The following LANCL1 variants were observed in gnomAD, a reference collection of about 807,000 sequenced individuals.
LANCL1 encodes the protein glutathione S-transferase LANCL1.
LANCL1 carries 50 observed loss-of-function variants against 50.6 expected under a neutral mutation model. That is an observed-to-expected ratio of 0.99 (90% CI 0.79 to 1.25). The LOEUF (loss-of-function observed/expected upper bound fraction) is 1.25. Ranked by LOEUF, LANCL1 falls within the 50% of genes most tolerant of loss-of-function variation. The pLI, the probability that LANCL1 is intolerant of heterozygous loss-of-function variation, is 0.00. For synonymous variants in LANCL1, 188 were observed against 178.6 expected (o/e 1.05, Z -0.42); for missense variants, 532 against 480.7 (o/e 1.11, Z -1.00).
chr2:210,463,143 C>T (rs1693920617), intron 3 of LANCL1, among the ~76,000 whole-genome samples: 1 of 152,100 alleles, frequency 6.6e-6, no homozygotes, highest in African/African-American at 2.4e-5. Context: ...AGTACTCAGC[C>T]TTGCTTTGCC....
chr2:210,468,043 T>A (rs1426623859), intron 3 of LANCL1: 1 of 152,184 alleles, frequency 6.6e-6, no homozygotes, highest in Non-Finnish European at 1.5e-5. Flanking sequence ...ACAAAAATAG[T>A]AATGTTTTAC....
intron 3 of LANCL1, among the ~76,000 whole-genome samples, chr2:210,455,810 G>GTTTTT (rs60277321): frequency 1.6e-5 from 2 of 125,976 alleles, no homozygotes; most frequent in African/African-American, 2.8e-5. Flanking sequence ...GTGTGTGTGT[G>GTTTTT]TTTTTTTTTT....
chr2:210,464,620 C>T (rs577316509), intron 3 of LANCL1, among the ~76,000 whole-genome samples: 1 of 152,216 alleles, frequency 6.6e-6, no homozygotes, highest in South Asian at 2.1e-4. Flanking sequence ...TCTATTTTAT[C>T]ACTAGGATAA....
At chr2:210,445,151 G>GA (rs559136163) in intron 4 of LANCL1, among the ~76,000 whole-genome samples, 1 of 136,128 alleles carries the variant, frequency 7.3e-6, no homozygotes, top group African/African-American at 2.5e-5. Flanking sequence ...AAAGAACTAT[G>GA]AAAAAAAATT....
rs577619842 is a variant in LANCL1, at chr2:210,455,028, A to G, written c.407+79T>C. On this transcript the variant is annotated intron_variant, in intron 4 of 9. Transcript: ENST00000450366. Reference sequence around the variant, plus strand: ...CTGCTAAGAGAAAAGTAAACTCACTAGAATGTTCTTTTGTTAACACATGCA... The same window carrying G: ...CTGCTAAGAGAAAAGTAAACTCACTGGAATGTTCTTTTGTTAACACATGCA... 4.6e-4 allele frequency: 543 copies of G among 1,188,398 alleles called. 1 individual carries two copies. Among genetic ancestry groups the G allele is most frequent in the Non-Finnish European group, 6.3e-4 (520 of 820,348 alleles). 73.6% of individuals were successfully genotyped at this position (1,188,398 alleles called of 1,614,324 possible).
intron 4 of LANCL1, among the ~76,000 whole-genome samples, chr2:210,445,275 C>T: frequency 6.6e-6 from 1 of 152,070 alleles, no homozygotes; most frequent in Non-Finnish European, 1.5e-5. Context: ...GCATTAACTC[C>T]ATTCCTTTTT....
Position 210,441,388 on chromosome 2 carries a change from G to T in LANCL1, c.463C>A (p.Arg155=). The T allele has an allele frequency of 6.2e-7, 1 of 1,611,708 alleles. No individual in the cohort carries two copies. The highest frequency in any genetic ancestry group is 8.5e-7 in the Non-Finnish European group (1 of 1,178,540). The change falls in exon 5 of 10, where the codon CGA becomes AGA. Residue 155 remains arginine, a synonymous_variant. Coordinates refer to ENST00000450366, the MANE Select transcript of LANCL1 (RefSeq NM_006055.3). ...PHAPNEMLYG[R]IGYIYALLFV... is the part of the protein sequence containing the mutation. ...AGAAGAGCATAGATGTAGCCTATTC[G>T]CCCATAGAGCATTTCATTTGGAGCA...
intron 4 of LANCL1, among the ~76,000 whole-genome samples, chr2:210,454,219 TACACACACACACACACACACAC>T (rs3836055): frequency 0.099 from 14,665 of 147,698 alleles, 825 homozygotes; most frequent in East Asian, 0.18. Context: ...TATGCATACA[TACACACACACACACACACACAC>T]ACACACACAC....
intron 3 of LANCL1, among the ~76,000 whole-genome samples, chr2:210,464,478 A>G (rs1693974843): frequency 6.6e-6 from 1 of 152,028 alleles, no homozygotes; most frequent in Non-Finnish European, 1.5e-5. Context: ...AAATATATAT[A>G]TATAGTGGAA....
chr2:210,470,706 A>G (rs1233408440), intron 3 of LANCL1, among the ~76,000 whole-genome samples: 2 of 152,168 alleles, frequency 1.3e-5, no homozygotes, highest in African/African-American at 2.4e-5. Context: ...AGAGATTGCT[A>G]TTATTAATAA....
intron 3 of LANCL1, among the ~76,000 whole-genome samples, chr2:210,467,952 G>A (rs982626852): frequency 1.4e-4 from 21 of 152,100 alleles, no homozygotes; most frequent in African/African-American, 4.8e-4. Flanking sequence ...GGTACAAATT[G>A]GAAACTTTAT....
intron 5 of LANCL1, 41 bp from the exon 6 acceptor site, chr2:210,440,785 C>T (rs754566134): frequency 3.8e-6 from 6 of 1,581,656 alleles, no homozygotes; most frequent in East Asian, 4.5e-5. Flanking sequence ...GTTAACTGAA[C>T]AAAAATCTTC....
intron 4 of LANCL1, among the ~76,000 whole-genome samples, chr2:210,447,888 C>T (rs945173814): frequency 6.6e-6 from 1 of 152,148 alleles, no homozygotes; most frequent in Non-Finnish European, 1.5e-5. Flanking sequence ...GAGACTTAGA[C>T]TCCCACACAA....
intron 3 of LANCL1, among the ~76,000 whole-genome samples, chr2:210,469,651 T>C (rs1053523340): frequency 2.0e-5 from 3 of 152,166 alleles, no homozygotes; most frequent in Admixed American, 6.5e-5. Flanking sequence ...GGATAAAAGG[T>C]TGAAGGATAT....
At chr2:210,467,849 A>C (rs1285912328) in intron 3 of LANCL1, among the ~76,000 whole-genome samples, 1 of 152,232 alleles carries the variant, frequency 6.6e-6, no homozygotes, top group East Asian at 1.9e-4. Flanking sequence ...TGAGGTATTA[A>C]GAAGTTGGGC....
chr2:210,433,467 AAGT>A lies in LANCL1; in HGVS notation c.*1017_*1019del. The A allele has an allele frequency of 6.6e-6, 1 of 152,194 alleles. No homozygotes were observed. Among genetic ancestry groups the A allele is most frequent in the Middle Eastern group, 3.4e-3 (1 of 294 alleles). 9.4% of individuals were successfully genotyped at this position (152,194 alleles called of 1,614,324 possible). A position where few individuals can be genotyped will look rare whatever the true frequency, so the allele number is the denominator to read the frequency against. On this transcript the variant is annotated 3_prime_UTR_variant, in exon 10 of 10. Coordinates refer to ENST00000450366, the MANE Select transcript of LANCL1 (RefSeq NM_006055.3). ...TTTCTCATCTCCCCTTTTTAAACAG[AAGT>A]AGAATACTGTACAATTTAGTGAAAA...
chr2:210,436,851 A>G (rs1692949693), intron 7 of LANCL1, among the ~76,000 whole-genome samples: 1 of 152,222 alleles, frequency 6.6e-6, no homozygotes, highest in Non-Finnish European at 1.5e-5. Flanking sequence ...ACTGCCTCCT[A>G]TATCTTCATC....
intron 4 of LANCL1, among the ~76,000 whole-genome samples, chr2:210,448,339 T>A (rs559888670): frequency 2.0e-4 from 30 of 152,288 alleles, no homozygotes; most frequent in African/African-American, 6.3e-4. Context: ...ATCTCTGGCA[T>A]ACAGCTAAAG....
At chr2:210,440,482 C>T (rs1693092836) in intron 6 of LANCL1, 116 bp downstream of exon 6, 2 of 951,716 alleles carry the variant, frequency 2.1e-6, no homozygotes, top group Non-Finnish European at 3.0e-6. Context: ...AAGGAGAGTA[C>T]TGTAATGCAG....
Sources: gnomAD v4.1 joint callset for allele counts (sites outside exome capture counted in the v4.1 genomes callset) on GRCh38, gnomAD v4.1.1 for gene constraint, MANE v1.5 for transcripts, NCBI Gene and HGNC (gene_info 2026-07-23, HGNC 2026-07-21) for gene names.